Variants in RPTOR observed in about 807,000 individuals in gnomAD.
RPTOR encodes regulatory associated protein of MTOR complex 1.
In RPTOR, 21 loss-of-function variants were observed where a neutral mutation model predicts 169.9. The ratio of observed to expected loss-of-function variants is 0.12; its 90% confidence interval spans 0.09 to 0.18. The LOEUF (loss-of-function observed/expected upper bound fraction) is 0.18, where lower values mean the gene tolerates loss of function less well. Ranked by LOEUF, RPTOR falls within the 10% of genes least tolerant of loss-of-function variation. The probability of loss-of-function intolerance (pLI) is 1.00; values close to 1 mark genes in which losing one functional copy is unlikely to be tolerated. For missense variants in RPTOR, 1,133 were observed against 1,855.9 expected, an observed-to-expected ratio of 0.61 and a Z score of 7.16; for synonymous variants, 732 against 753.2, an observed-to-expected ratio of 0.97 and a Z score of 0.46.
intron 25 of RPTOR, among the ~76,000 whole-genome samples, chr17:80,944,510 C>G (rs898533096): frequency 1.3e-5 from 2 of 152,328 alleles, no homozygotes; most frequent in Admixed American, 1.3e-4. Context: ...GCCAGGGCCC[C>G]TGGGCCCTCA....
intron 5 of RPTOR, among the ~76,000 whole-genome samples, chr17:80,751,279 C>T (rs187858236): frequency 2.6e-5 from 4 of 152,172 alleles, no homozygotes; most frequent in East Asian, 3.9e-4. Flanking sequence ...TCAGAAGGAC[C>T]CAGATGGGAT....
rs1466030607 is a variant in RPTOR at position 80,633,020 on chromosome 17, A to G, written c.265+7227A>G. ...ACTTTGTTGCTCAGGCTGGTCTCGAACTCCTGGGCTCAAGTGATCCTCCCA... is the reference window on the plus strand; with the variant it reads ...ACTTTGTTGCTCAGGCTGGTCTCGAGCTCCTGGGCTCAAGTGATCCTCCCA... On this transcript the variant is annotated intron_variant, in intron 2 of 33. Coordinates refer to ENST00000306801, the MANE Select transcript of RPTOR (RefSeq NM_020761.3). This position sits in a 1 kb window ranked among gnomAD's most constrained non-coding sequence, Gnocchi z 4.1. 6.6e-6 allele frequency among the ~76,000 whole-genome samples: 1 copy of G among 152,038 alleles called. No homozygotes were observed. The highest frequency in any genetic ancestry group is 1.5e-5 in the Non-Finnish European group (1 of 67,998).
chr17:80,939,511 A>T (rs2068997147), intron 24 of RPTOR, among the ~76,000 whole-genome samples: 1 of 152,212 alleles, frequency 6.6e-6, no homozygotes, highest in South Asian at 2.1e-4. Context: ...AAGCTGTCTC[A>T]TTAGGGAAGG....
At position 80,609,433 on chromosome 17, in the gene RPTOR, C is replaced by T. The variant is rs1017807930; in HGVS notation, c.163-16258C>T. On this transcript the variant is annotated intron_variant, in intron 1 of 33. Transcript: ENST00000306801. This position sits in a 1 kb window ranked among gnomAD's most constrained non-coding sequence, Gnocchi z 4.8. ...TTTAAGCCAGAAAACAATGTTGATA[C>T]GTCTTGAGATGTGTATAAATCATTT... 1.3e-5 allele frequency among the ~76,000 whole-genome samples: 2 copies of T among 152,118 alleles called. No homozygotes were observed. The highest frequency in any genetic ancestry group is 2.4e-5 in the African/African-American group (1 of 41,412).
In RPTOR at chr17:80,730,763, GTGGGGTTTGGGT is replaced by G; in HGVS notation, c.654+58_654+69del. 1.4e-6 allele frequency: 2 copies of G among 1,468,090 alleles called. No individual in the cohort carries two copies. Among genetic ancestry groups the G allele is most frequent in the East Asian group, 2.4e-5 (1 of 41,360 alleles). 90.9% of individuals were successfully genotyped at this position (1,468,090 alleles called of 1,614,324 possible). ...GGGTTTGGTTTTGTTTTCCCTGGGG[GTGGGGTTTGGGT>G]GGGGAGGTTGGGAGGTGTTGGACAT... On this transcript the variant is annotated intron_variant, in intron 5 of 33. Transcript: ENST00000306801. This position sits in a 1 kb window ranked among gnomAD's most constrained non-coding sequence, Gnocchi z 4.2.
chr17:80,931,968 A>G (rs1598408997), intron 24 of RPTOR, among the ~76,000 whole-genome samples: 1 of 151,152 alleles, frequency 6.6e-6, no homozygotes, highest in African/African-American at 2.4e-5. Flanking sequence ...CCTGGCAAAA[A>G]CCCTCCCGAA....
At position 80,730,820 on chromosome 17, in the gene RPTOR, T is replaced by G; in HGVS notation, c.654+114T>G. On this transcript the variant is annotated intron_variant, in intron 5 of 33. Coordinates refer to ENST00000306801, the MANE Select transcript of RPTOR (RefSeq NM_020761.3). This position sits in a 1 kb window ranked among gnomAD's most constrained non-coding sequence, Gnocchi z 4.2. ...GGACATCCTCTGAATGGAGCAGGGC[T>G]CAGAATGCCAAGGGCAGGATGGCAT... The G allele has an allele frequency of 9.0e-7, 1 of 1,114,228 alleles. No individual in the cohort carries two copies. Among genetic ancestry groups the G allele is most frequent in the Non-Finnish European group, 1.3e-6 (1 of 765,348 alleles). 69.0% of individuals were successfully genotyped at this position (1,114,228 alleles called of 1,614,324 possible). A position where few individuals can be genotyped will look rare whatever the true frequency, so the allele number is the denominator to read the frequency against.
At chr17:80,722,828 C>T (rs1447801503) in intron 4 of RPTOR, among the ~76,000 whole-genome samples, 2 of 151,294 alleles carry the variant, frequency 1.3e-5, no homozygotes, top group Non-Finnish European at 2.9e-5. Flanking sequence ...CCACACACAG[C>T]CTCCTTGGTG....
At chr17:80,614,335 T>G (rs961468884) in intron 1 of RPTOR, among the ~76,000 whole-genome samples, 12 of 152,250 alleles carry the variant, frequency 7.9e-5, no homozygotes, top group African/African-American at 2.9e-4. Flanking sequence ...AAGAATGCCA[T>G]TTTTGAAATT....
At chr17:80,602,589 A>G in intron 1 of RPTOR, 1 of 617,184 alleles carries the variant, frequency 1.6e-6, no homozygotes, top group Non-Finnish European at 3.1e-6. Context: ...ATTTTTGAAC[A>G]TGGTAACAGG....
rs761971525 is a variant in RPTOR, at chr17:80,925,429, G to C, written c.2868G>C (p.Gln956His). The part of the protein sequence containing the change: ...GHKSFISATV[Q>H]TGFCDWSARY... ...AAAGTTTCATCTCCGCCACGGTGCAGACGGGGTTCTGCGACTGGAGCGCCC... is the reference window on the plus strand; with the variant it reads ...AAAGTTTCATCTCCGCCACGGTGCACACGGGGTTCTGCGACTGGAGCGCCC... Residue 956 changes from glutamine to histidine, a missense_variant, in exon 24 of 34, where the codon CAG becomes CAC. Coordinates refer to ENST00000306801, the MANE Select transcript of RPTOR (RefSeq NM_020761.3). 4.3e-6 allele frequency: 7 copies of C among 1,613,590 alleles called. No homozygotes were observed. The Admixed American group carries it at 1.2e-4, about 27-fold the overall frequency.
At chr17:80,831,449 C>T (rs547453381) in intron 9 of RPTOR, among the ~76,000 whole-genome samples, 93 of 152,356 alleles carry the variant, frequency 6.1e-4, no homozygotes, top group Non-Finnish European at 9.3e-4. Flanking sequence ...ACTCTCACCA[C>T]GTCCTTAACA....
At chr17:80,887,838 TTAAAAG>T (rs1266511306) in intron 17 of RPTOR, among the ~76,000 whole-genome samples, 18 of 152,262 alleles carry the variant, frequency 1.2e-4, no homozygotes, top group African/African-American at 4.1e-4. Flanking sequence ...TTGACAAAAT[TTAAAAG>T]TCAGCAAATT....
At position 80,746,738 on chromosome 17, in the gene RPTOR, G is replaced by A. The variant is rs552522536; in HGVS notation, c.655-7272G>A. On this transcript the variant is annotated intron_variant, in intron 5 of 33. Transcript: ENST00000306801. The surrounding 1 kb of genome is among the most constrained non-coding windows in gnomAD (Gnocchi z 4.5). Reference sequence around the variant, plus strand: ...CAATCACAAGCACTCAGCCTTACACGCAGGCCTGTTTCTGAAAGATAGTTT... The same window carrying A: ...CAATCACAAGCACTCAGCCTTACACACAGGCCTGTTTCTGAAAGATAGTTT... 1.3e-5 allele frequency among the ~76,000 whole-genome samples: 2 copies of A among 152,272 alleles called. No individual in the cohort carries two copies. Among genetic ancestry groups the A allele is most frequent in the East Asian group, 1.9e-4 (1 of 5,186 alleles).
At chr17:80,804,489 C>T (rs1288756226) in intron 7 of RPTOR, 1 of 152,264 alleles carries the variant, frequency 6.6e-6, no homozygotes, top group East Asian at 1.9e-4. Context: ...AAGAGAGCTC[C>T]TTTCCTGCCT....
intron 2 of RPTOR, among the ~76,000 whole-genome samples, chr17:80,634,352 G>C (rs2065473231): frequency 9.1e-6 from 1 of 109,308 alleles, no homozygotes; most frequent in African/African-American, 3.5e-5. Context: ...GTGTGCATGT[G>C]CGTACTGTGT....
At chr17:80,741,567 G>T (rs1019621505) in intron 5 of RPTOR, among the ~76,000 whole-genome samples, 2 of 152,202 alleles carry the variant, frequency 1.3e-5, no homozygotes, top group Admixed American at 1.3e-4. Context: ...GGAGGTCTTG[G>T]GGTGCAGGAC....
chr17:80,631,165 G>A (rs919296644), intron 2 of RPTOR, among the ~76,000 whole-genome samples: 2 of 152,126 alleles, frequency 1.3e-5, no homozygotes, highest in African/African-American at 4.8e-5. Context: ...CCCATGGTGA[G>A]CAAGGTAGGT....
chr17:80,874,534 T>C (rs2068085462), intron 13 of RPTOR, among the ~76,000 whole-genome samples: 1 of 152,200 alleles, frequency 6.6e-6, no homozygotes, highest in South Asian at 2.1e-4. Flanking sequence ...TGAAATATCT[T>C]GCCTCACTTG....
Sources: allele counts gnomAD v4.1 joint callset (sites outside exome capture counted in the v4.1 genomes callset), GRCh38; gene constraint gnomAD v4.1.1; non-coding constraint Gnocchi (gnomAD v3.1); transcripts MANE v1.5; gene names NCBI Gene and HGNC (gene_info 2026-07-23, HGNC 2026-07-21).